Variants in SERHL2 observed in about 807,000 individuals in gnomAD.
SERHL2 encodes serine hydrolase like 2, also known as serine hydrolase-like protein 2.
Under a neutral mutation model 25.5 loss-of-function variants are expected in SERHL2, and 29 were observed. That is an observed-to-expected ratio of 1.14 (90% CI 0.85 to 1.55). SERHL2 has a LOEUF of 1.55. SERHL2 is among the 40% of genes most tolerant of loss of function. The probability of loss-of-function intolerance (pLI) is 0.00; values close to 1 mark genes in which losing one functional copy is unlikely to be tolerated. For missense variants in SERHL2, 240 were observed against 252.3 expected, an observed-to-expected ratio of 0.95 and a Z score of 0.33; for synonymous variants, 95 against 103.5, an observed-to-expected ratio of 0.92 and a Z score of 0.50.
At chr22:42,554,130 G>GC in intron 1 of SERHL2, 88 bp downstream of exon 1, 1 of 1,484,652 alleles carries the variant, frequency 6.7e-7, no homozygotes, top group East Asian at 2.4e-5. Context: ...TGGAGGGTTC[G>GC]CCGACCGCGT....
At position 42,573,803 on chromosome 22, in the gene SERHL2, G is replaced by C. The variant is rs1924609776; in HGVS notation, c.826-133G>C. ...GGGGCTCCAAGGAGCCGAGTGTGGG[G>C]GAAACTCACTGTGGGAGGCGCTCCT... On this transcript the variant is annotated intron_variant, in intron 11 of 11. Transcript: ENST00000327678. The C allele has an allele frequency of 3.6e-6, 3 of 838,784 alleles. No individual in the cohort carries two copies. The Admixed American group carries it at 6.8e-5, about 19-fold the overall frequency. The allele number at this position is 838,784 out of a possible 1,614,324, so 52.0% of individuals were successfully genotyped here. A position where few individuals can be genotyped will look rare whatever the true frequency, so the allele number is the denominator to read the frequency against.
At chr22:42,560,396 C>T in intron 8 of SERHL2, 131 bp downstream of exon 8, 1 of 685,304 alleles carries the variant, frequency 1.5e-6, no homozygotes, top group East Asian at 2.7e-5. Context: ...CCCCCTCCTG[C>T]CTCACCCTCA....
chr22:42,573,784 C>A (rs1326052710), intron 11 of SERHL2, 152 bp from the exon 12 acceptor site: 7 of 779,774 alleles, frequency 9.0e-6, no homozygotes, highest in Admixed American at 6.9e-5. Context: ...TGTCGGGGCT[C>A]CAAGGAGCCG....
chr22:42,566,236 A>T, intron 8 of SERHL2, 68 bp from the exon 9 acceptor site: 12 of 1,515,632 alleles, frequency 7.9e-6, no homozygotes, highest in Non-Finnish European at 1.0e-5. Context: ...GTTCCAGCAA[A>T]GTCACGGAGC....
rs761590862 is a variant in SERHL2 at position 42,560,178 on chromosome 22, C to T, written c.534-8C>T. ...CCAGGCACCCAGCATCCTTCTGTCT[C>T]CCCCCAGGTTACTGAAGAGCAATAG... On this transcript the variant is annotated splice_polypyrimidine_tract_variant and splice_region_variant and intron_variant, in intron 7 of 11. Transcript: ENST00000327678. 6 of 1,606,548 alleles carry T rather than the reference C, an allele frequency of 3.7e-6. No homozygotes were observed. In the Admixed American group the frequency reaches 6.7e-5, roughly 18 times the overall value.
At chr22:42,573,008 T>C (rs1197794427) in intron 11 of SERHL2, among the ~76,000 whole-genome samples, 1 of 151,724 alleles carries the variant, frequency 6.6e-6, no homozygotes, top group South Asian at 2.1e-4. Flanking sequence ...CACAGCAGAA[T>C]ACCCGACTGC....
At chr22:42,573,782 C>G in intron 11 of SERHL2, 154 bp from the exon 12 acceptor site, 2 of 765,246 alleles carry the variant, frequency 2.6e-6, no homozygotes, top group South Asian at 1.7e-5. Context: ...ACTGTCGGGG[C>G]TCCAAGGAGC....
In SERHL2 at chr22:42,559,615, C is replaced by T. The variant is rs536786851; in HGVS notation, c.534-571C>T. 2.6e-5 allele frequency among the ~76,000 whole-genome samples: 4 copies of T among 151,640 alleles called. No homozygotes were observed. In the East Asian group the frequency reaches 7.8e-4, roughly 30 times the overall value. ...ATCCAGAAGAGGCGTTAGACATTCT[C>T]TAGATGTAACGAAGAATGGCATGAA... On this transcript the variant is annotated intron_variant, in intron 7 of 11. Coordinates refer to ENST00000327678, the MANE Select transcript of SERHL2 (RefSeq NM_014509.5).
chr22:42,571,577 C>T, intron 10 of SERHL2: 1 of 594,716 alleles, frequency 1.7e-6, no homozygotes, highest in South Asian at 5.2e-5. Flanking sequence ...AGGCGCCCGC[C>T]ACCAGGCCTG....
intron 9 of SERHL2, among the ~76,000 whole-genome samples, chr22:42,567,402 C>T (rs140901454): frequency 0.011 from 1,622 of 151,948 alleles, 26 homozygotes; most frequent in African/African-American, 0.038. Context: ...CGGTGGCTCA[C>T]GCCTGTAGTC....
Position 42,572,974 on chromosome 22 carries a change from C to G in SERHL2, c.825+445C>G, listed in dbSNP as rs150723096. On this transcript the variant is annotated intron_variant, in intron 11 of 11. Transcript: ENST00000327678. ...TGGGAGCCACCATACCCGGCCTAGTCGCACATTTTACAGGCTCCCAAACCA... is the reference window on the plus strand; with the variant it reads ...TGGGAGCCACCATACCCGGCCTAGTGGCACATTTTACAGGCTCCCAAACCA... 2.6e-3 allele frequency among the ~76,000 whole-genome samples: 401 copies of G among 151,864 alleles called. 5 individuals carry two copies. The highest frequency in any genetic ancestry group is 9.0e-3 in the African/African-American group (374 of 41,490).
rs576038061 is a variant in SERHL2 at position 42,573,662 on chromosome 22, C to G, written c.826-274C>G. On this transcript the variant is annotated intron_variant, in intron 11 of 11. Transcript: ENST00000327678. ...CTCTTCTGATACAATCACAGCAACC[C>G]TGGCCTCGGCCCCGCCCTGTCCCTG... is the stretch of plus-strand genomic sequence containing the variant. 6.3e-4 allele frequency: 296 copies of G among 469,070 alleles called. 3 individuals carry two copies. Among genetic ancestry groups the G allele is most frequent in the South Asian group, 3.0e-3 (118 of 39,222 alleles). The allele number at this position is 469,070 out of a possible 1,614,324, so 29.1% of individuals were successfully genotyped here. A position where few individuals can be genotyped will look rare whatever the true frequency, so the allele number is the denominator to read the frequency against.
intron 9 of SERHL2, among the ~76,000 whole-genome samples, chr22:42,570,465 A>G (rs1310808741): frequency 6.6e-6 from 1 of 152,116 alleles, no homozygotes; most frequent in Non-Finnish European, 1.5e-5. Context: ...AACATCCACA[A>G]TGTGATTCAA....
chr22:42,570,315 G>A (rs992505104), intron 9 of SERHL2, among the ~76,000 whole-genome samples: 4 of 152,004 alleles, frequency 2.6e-5, no homozygotes, highest in African/African-American at 7.2e-5. Flanking sequence ...TACTCGGTAG[G>A]CTGAGGCAGG....
At chr22:42,563,421 C>T (rs933566717) in intron 8 of SERHL2, 2 of 441,502 alleles carry the variant, frequency 4.5e-6, no homozygotes, top group African/African-American at 4.1e-5. Flanking sequence ...CCAGGCTGGT[C>T]TCGAACTCCT....
intron 8 of SERHL2, among the ~76,000 whole-genome samples, 171 bp downstream of exon 8, chr22:42,560,436 C>T (rs1051579168): frequency 3.9e-5 from 6 of 152,012 alleles, no homozygotes; most frequent in Non-Finnish European, 7.4e-5. Flanking sequence ...AACCAAGGCT[C>T]AGCATTGCCA....
intron 11 of SERHL2, chr22:42,573,357 C>A (rs1241958385): frequency 1.3e-5 from 2 of 152,102 alleles, no homozygotes; most frequent in African/African-American, 4.8e-5. Flanking sequence ...CATTCTCCTG[C>A]CTCAGCCTCC....
chr22:42,566,387 T>C, intron 9 of SERHL2, 49 bp downstream of exon 9: 2 of 1,597,270 alleles, frequency 1.3e-6, no homozygotes, highest in Non-Finnish European at 1.7e-6. Context: ...CCTGTTAGCG[T>C]CTTTGTCGTT....
At chr22:42,563,411 C>T (rs750659270) in intron 8 of SERHL2, 20 of 439,896 alleles carry the variant, frequency 4.5e-5, no homozygotes, top group Middle Eastern at 3.4e-4. Flanking sequence ...GCCATGTTGC[C>T]CAGGCTGGTC....
Sources: allele counts gnomAD v4.1 joint callset (sites outside exome capture counted in the v4.1 genomes callset), GRCh38; gene constraint gnomAD v4.1.1; transcripts MANE v1.5; gene names NCBI Gene and HGNC (gene_info 2026-07-23, HGNC 2026-07-21).